Variants in KCNH8 observed in about 807,000 individuals in gnomAD.
KCNH8 encodes potassium voltage-gated channel subfamily H member 8.
In KCNH8, 70 loss-of-function variants were observed where a neutral mutation model predicts 103.6. That is an observed-to-expected ratio of 0.68 (90% CI 0.56 to 0.82). The LOEUF is 0.82. Among genes scored for constraint, KCNH8 ranks in the 40% least tolerant of loss-of-function variants. The pLI, the probability that KCNH8 is intolerant of heterozygous loss-of-function variation, is 0.00. For missense variants in KCNH8, 1,217 were observed against 1,329.9 expected, an observed-to-expected ratio of 0.92 and a Z score of 1.32; for synonymous variants, 498 against 489.4, an observed-to-expected ratio of 1.02 and a Z score of -0.23.
intron 5 of KCNH8, among the ~76,000 whole-genome samples, chr3:19,372,651 G>A (rs1476790990): frequency 6.6e-6 from 1 of 152,118 alleles, no homozygotes; most frequent in Non-Finnish European, 1.5e-5. Flanking sequence ...ACACTATGTT[G>A]AATAGGAGTG....
At chr3:19,348,197 T>C (rs2065753487) in intron 5 of KCNH8, among the ~76,000 whole-genome samples, 1 of 152,228 alleles carries the variant, frequency 6.6e-6, no homozygotes, top group South Asian at 2.1e-4. Context: ...GTTTCTATAC[T>C]TATTTCATCC....
At chr3:19,482,972 C>A (rs1011681334) in intron 11 of KCNH8, among the ~76,000 whole-genome samples, 2 of 151,998 alleles carry the variant, frequency 1.3e-5, no homozygotes, top group Non-Finnish European at 2.9e-5. Context: ...GTCTGGTATC[C>A]CCACGAGCTG....
chr3:19,260,967 C>CATATATATATATAT lies in KCNH8; in HGVS notation c.310+7093_310+7106dup, dbSNP rs138181171. Among the ~76,000 whole-genome samples, 426 of 132,084 alleles carry CATATATATATATAT rather than the reference C, an allele frequency of 3.2e-3. 4 individuals carry two copies. The highest frequency in any genetic ancestry group is 0.011 in the African/African-American group (395 of 36,964). The allele number at this position is 132,084 out of a possible 152,430, so 86.7% of individuals were successfully genotyped here. ...TCCTTTTTTAAGGCTGAATAATATT[C>CATATATATATATAT]ATATATATATATATATATATATATA... is the stretch of plus-strand genomic sequence containing the variant. On this transcript the variant is annotated intron_variant, in intron 2 of 15. Transcript: ENST00000328405.
rs567605408 is a variant in KCNH8, at chr3:19,235,639, A to G, written c.77-18015A>G. 2.6e-5 allele frequency among the ~76,000 whole-genome samples: 4 copies of G among 152,364 alleles called. No homozygotes were observed. In the South Asian group the frequency reaches 8.3e-4, roughly 32 times the overall value. On this transcript the variant is annotated intron_variant, in intron 1 of 15. Transcript: ENST00000328405. ...TAAGAATAACGATATAACAATGATCATCTATGTAAGTCTGTTTTACGTGGA... is the reference window on the plus strand; with the variant it reads ...TAAGAATAACGATATAACAATGATCGTCTATGTAAGTCTGTTTTACGTGGA...
At chr3:19,389,751 TGGAGTAACTGGG>T (rs1402189684) in intron 5 of KCNH8, among the ~76,000 whole-genome samples, 1 of 151,978 alleles carries the variant, frequency 6.6e-6, no homozygotes, top group Non-Finnish European at 1.5e-5. Flanking sequence ...CCTCAGTCTC[TGGAGTAACTGGG>T]ACTACAGACA....
chr3:19,477,530 T>C (rs975487245), intron 11 of KCNH8, among the ~76,000 whole-genome samples: 1 of 152,008 alleles, frequency 6.6e-6, no homozygotes, highest in African/African-American at 2.4e-5. Flanking sequence ...TCCAAATGCT[T>C]TCTCTCTGGA....
intron 7 of KCNH8, among the ~76,000 whole-genome samples, chr3:19,428,748 CAT>C (rs1351954038): frequency 1.3e-5 from 2 of 152,138 alleles, no homozygotes; most frequent in African/African-American, 4.8e-5. Flanking sequence ...AGAACTAAGA[CAT>C]AAAAAAGTGA....
rs114690764 is a variant in KCNH8, at chr3:19,233,617, C to G, written c.77-20037C>G. On this transcript the variant is annotated intron_variant, in intron 1 of 15. Transcript: ENST00000328405. ...TATAACATTGATGAGAAAAAAACAT[C>G]AGTTCCCAGCCTGGGCCACTGTCTG... is the stretch of plus-strand genomic sequence containing the variant. Among the ~76,000 whole-genome samples the G allele has an allele frequency of 5.0e-3, 765 of 152,256 alleles. 8 individuals are homozygous for G. The highest frequency in any genetic ancestry group is 0.018 in the African/African-American group (730 of 41,544).
intron 1 of KCNH8, among the ~76,000 whole-genome samples, chr3:19,211,167 C>G (rs1292555642): frequency 1.3e-5 from 2 of 151,960 alleles, no homozygotes; most frequent in East Asian, 3.9e-4. Context: ...TAGTTTCCAC[C>G]CATAATGACT....
intron 1 of KCNH8, among the ~76,000 whole-genome samples, chr3:19,175,314 C>T (rs1395504589): frequency 6.6e-6 from 1 of 151,490 alleles, no homozygotes; most frequent in Non-Finnish European, 1.5e-5. Flanking sequence ...CTCCGCCTCC[C>T]GGGTTCACGC....
chr3:19,281,792 A>C (rs1346260101), intron 3 of KCNH8, among the ~76,000 whole-genome samples: 1 of 152,084 alleles, frequency 6.6e-6, no homozygotes, highest in Non-Finnish European at 1.5e-5. Flanking sequence ...AGAATGTTGC[A>C]AACAAATGTG....
intron 3 of KCNH8, among the ~76,000 whole-genome samples, chr3:19,325,390 G>C (rs2065407980): frequency 6.6e-6 from 1 of 152,234 alleles, no homozygotes; most frequent in East Asian, 1.9e-4. Flanking sequence ...ACTGTCAATA[G>C]AGTAGAAAGA....
chr3:19,369,527 T>C (rs1353997596), intron 5 of KCNH8, among the ~76,000 whole-genome samples: 1 of 152,048 alleles, frequency 6.6e-6, no homozygotes, highest in African/African-American at 2.4e-5. Context: ...ATTTCAATGT[T>C]GGTGGCCCCC....
chr3:19,398,373 G>T (rs2066556859), intron 7 of KCNH8, among the ~76,000 whole-genome samples: 1 of 151,868 alleles, frequency 6.6e-6, no homozygotes. Context: ...AGTTTTAAAG[G>T]GTGAATAGGC....
intron 1 of KCNH8, among the ~76,000 whole-genome samples, chr3:19,154,326 A>G (rs2063159442): frequency 6.6e-6 from 1 of 152,194 alleles, no homozygotes; most frequent in South Asian, 2.1e-4. Context: ...TAAGGGGTCA[A>G]TGTAGAAGTA....
chr3:19,371,771 G>T (rs1466467952), intron 5 of KCNH8, among the ~76,000 whole-genome samples: 1 of 150,888 alleles, frequency 6.6e-6, no homozygotes, highest in Non-Finnish European at 1.5e-5. Flanking sequence ...TTTAATCCAT[G>T]TTGAATTGAT....
At chr3:19,281,055 T>G in intron 2 of KCNH8, 143 bp from the exon 3 acceptor site, 1 of 773,594 alleles carries the variant, frequency 1.3e-6, no homozygotes, top group African/African-American at 1.8e-5. Context: ...TTATGGAACC[T>G]GAAAACTGAC....
intron 2 of KCNH8, among the ~76,000 whole-genome samples, chr3:19,270,832 T>G (rs576745963): frequency 6.6e-6 from 1 of 152,138 alleles, no homozygotes; most frequent in East Asian, 1.9e-4. Flanking sequence ...AGAATTGTCA[T>G]GAGATCCTTA....
intron 11 of KCNH8, among the ~76,000 whole-genome samples, chr3:19,480,386 T>C (rs943812401): frequency 6.6e-6 from 1 of 152,176 alleles, no homozygotes; most frequent in African/African-American, 2.4e-5. Flanking sequence ...ATTGTTACTA[T>C]AGTATCTTCT....
Sources: gnomAD v4.1 joint callset for allele counts (sites outside exome capture counted in the v4.1 genomes callset) on GRCh38, gnomAD v4.1.1 for gene constraint, MANE v1.5 for transcripts, NCBI Gene and HGNC (gene_info 2026-07-23, HGNC 2026-07-21) for gene names.